SNTG1: variants seen among roughly 807,000 people sequenced by gnomAD.
The protein encoded by SNTG1 is syntrophin gamma 1, also known as gamma-1-syntrophin.
Under a neutral mutation model 74.7 loss-of-function variants are expected in SNTG1, and 39 were observed. The observed-to-expected ratio is 0.52, with a 90% CI of 0.40 to 0.68. The LOEUF is 0.68. Among genes scored for constraint, SNTG1 ranks in the 30% least tolerant of loss-of-function variants. The probability of loss-of-function intolerance (pLI) is 0.00; values close to 1 mark genes in which losing one functional copy is unlikely to be tolerated. For synonymous variants in SNTG1, 254 were observed against 217.1 expected, an observed-to-expected ratio of 1.17 and a Z score of -1.49; for missense variants, 685 against 609.5, an observed-to-expected ratio of 1.12 and a Z score of -1.30.
At chr8:50,462,050 C>G (rs1393899320) in intron 8 of SNTG1, among the ~76,000 whole-genome samples, 1 of 152,096 alleles carries the variant, frequency 6.6e-6, no homozygotes, top group African/African-American at 2.4e-5. Context: ...ACAGTGTACT[C>G]TGCTCCAATG....
intron 18 of SNTG1, among the ~76,000 whole-genome samples, chr8:50,780,559 T>A (rs1287707432): frequency 6.6e-6 from 1 of 152,234 alleles, no homozygotes; most frequent in Non-Finnish European, 1.5e-5. Context: ...ATCCCCTTTA[T>A]CATTTTTTAT....
Position 50,585,069 on chromosome 8 carries a change from A to G in SNTG1, c.811-5810A>G, listed in dbSNP as rs199802071. On this transcript the variant is annotated intron_variant, in intron 12 of 18. Coordinates refer to ENST00000642720, the MANE Select transcript of SNTG1 (RefSeq NM_018967.5). ...CATAGATAGAACTTACTTGTCTGCT[A>G]CCTGAAACAAGAACACAAGAAAACA... is the stretch of plus-strand genomic sequence containing the variant. Among the ~76,000 whole-genome samples the G allele has an allele frequency of 2.0e-5, 3 of 152,180 alleles. No individual in the cohort carries two copies. The East Asian group carries it at 5.8e-4, about 29-fold the overall frequency.
intron 13 of SNTG1, among the ~76,000 whole-genome samples, chr8:50,656,003 C>T (rs573691408): frequency 1.6e-4 from 24 of 152,040 alleles, no homozygotes; most frequent in African/African-American, 3.6e-4. Flanking sequence ...ACTCTACTTG[C>T]GACACATTCA....
At position 50,503,464 on chromosome 8, in the gene SNTG1, C is replaced by T. The variant is rs568337450; in HGVS notation, c.466+584C>T. Among the ~76,000 whole-genome samples, 18 of 152,134 alleles carry T rather than the reference C, an allele frequency of 1.2e-4. No individual in the cohort carries two copies. The South Asian group carries it at 1.2e-3, about 11-fold the overall frequency. On this transcript the variant is annotated intron_variant, in intron 9 of 18. Coordinates refer to ENST00000642720, the MANE Select transcript of SNTG1 (RefSeq NM_018967.5). Reference sequence around the variant, plus strand: ...ATAAAATACAAAGATCTTGCACAGTCGGATCAGTTCTGAAAAGGCACACAT... The same window carrying T: ...ATAAAATACAAAGATCTTGCACAGTTGGATCAGTTCTGAAAAGGCACACAT...
intron 15 of SNTG1, among the ~76,000 whole-genome samples, chr8:50,663,838 T>A (rs2095237495): frequency 6.6e-6 from 1 of 152,146 alleles, no homozygotes; most frequent in Non-Finnish European, 1.5e-5. Context: ...GCAAACTCTC[T>A]CAGCATTGCA....
chr8:50,145,890 A>C (rs1019009822), intron 1 of SNTG1, among the ~76,000 whole-genome samples: 57 of 151,754 alleles, frequency 3.8e-4, no homozygotes, highest in Non-Finnish European at 7.9e-4. Flanking sequence ...ATAATATAGC[A>C]TATTCAAATT....
At chr8:50,106,331 G>C (rs1313749677) in intron 1 of SNTG1, among the ~76,000 whole-genome samples, 3 of 151,992 alleles carry the variant, frequency 2.0e-5, no homozygotes, top group Non-Finnish European at 4.4e-5. Context: ...TAACATGGGG[G>C]GAATCCACCT....
chr8:50,631,919 A>G (rs993068195), intron 13 of SNTG1, among the ~76,000 whole-genome samples: 4 of 152,234 alleles, frequency 2.6e-5, no homozygotes, highest in African/African-American at 9.6e-5. Context: ...CACTAAATCA[A>G]TGCTCACGTC....
chr8:49,950,984 G>A (rs183738763), intron 1 of SNTG1, among the ~76,000 whole-genome samples: 94 of 152,238 alleles, frequency 6.2e-4, no homozygotes, highest in East Asian at 3.9e-3. Flanking sequence ...TCTGCTGTCC[G>A]AACAATACCT....
At chr8:50,164,221 A>G (rs2082532802) in intron 1 of SNTG1, 2 of 151,108 alleles carry the variant, frequency 1.3e-5, no homozygotes, top group South Asian at 4.2e-4. Context: ...TTGGTCAAGG[A>G]GAATAGAACA....
At chr8:50,043,893 T>G (rs1399821037) in intron 1 of SNTG1, among the ~76,000 whole-genome samples, 2 of 152,152 alleles carry the variant, frequency 1.3e-5, no homozygotes, top group Non-Finnish European at 2.9e-5. Context: ...CATAGCAGCC[T>G]AGGGAGATGT....
rs956825576 is a variant in SNTG1, at chr8:50,591,401, C to A, written c.849+484C>A. On this transcript the variant is annotated intron_variant, in intron 13 of 18. Transcript: ENST00000642720. ...CTTTGATTTGAAACCACTGACAAATCTAAATATCTATGATAGCTATTTATA... is the reference window on the plus strand; with the variant it reads ...CTTTGATTTGAAACCACTGACAAATATAAATATCTATGATAGCTATTTATA... 7.2e-5 allele frequency among the ~76,000 whole-genome samples: 11 copies of A among 152,196 alleles called. No individual in the cohort carries two copies. The East Asian group carries it at 2.1e-3, about 29-fold the overall frequency.
intron 8 of SNTG1, among the ~76,000 whole-genome samples, chr8:50,457,585 A>T (rs1426482255): frequency 6.6e-6 from 1 of 152,194 alleles, no homozygotes; most frequent in Non-Finnish European, 1.5e-5. Flanking sequence ...AATCATACAG[A>T]TAAAAGAGGA....
chr8:50,576,950 T>G (rs896964648), intron 12 of SNTG1, among the ~76,000 whole-genome samples: 12 of 152,170 alleles, frequency 7.9e-5, no homozygotes, highest in Non-Finnish European at 1.6e-4. Context: ...TATTTCTTTT[T>G]TCTTGCTTAA....
At chr8:50,188,070 G>T (rs2083446028) in intron 2 of SNTG1, among the ~76,000 whole-genome samples, 1 of 152,144 alleles carries the variant, frequency 6.6e-6, no homozygotes, top group South Asian at 2.1e-4. Flanking sequence ...GACATCAACA[G>T]AACAGGCCAT....
At chr8:50,419,861 C>CTAAA (rs1168559145) in intron 4 of SNTG1, among the ~76,000 whole-genome samples, 1 of 151,122 alleles carries the variant, frequency 6.6e-6, no homozygotes, top group Non-Finnish European at 1.5e-5. Flanking sequence ...AATTATTGAA[C>CTAAA]TAAACAATAC....
rs755916567 is a variant in SNTG1 at position 50,203,442 on chromosome 8, G to A, written c.-28+30807G>A. Among the ~76,000 whole-genome samples, 45 of 152,088 alleles carry A rather than the reference G, an allele frequency of 3.0e-4. 1 individual carries two copies. Among genetic ancestry groups the A allele is most frequent in the Non-Finnish European group, 1.3e-4 (9 of 68,016 alleles). On this transcript the variant is annotated intron_variant, in intron 2 of 18. Transcript: ENST00000642720. The stretch of plus-strand genomic sequence containing the variant: ...CAGTTCTTTAATGGGCCCAAGAAAA[G>A]CCATTAACTTTCAGTGCATTCATAT...
chr8:50,173,373 C>T (rs897533943), intron 2 of SNTG1, among the ~76,000 whole-genome samples: 1 of 152,110 alleles, frequency 6.6e-6, no homozygotes, highest in African/African-American at 2.4e-5. Flanking sequence ...TTTTTGATAG[C>T]TTATGTCCTT....
At chr8:50,112,586 A>G (rs1371180164) in intron 1 of SNTG1, among the ~76,000 whole-genome samples, 2 of 132,620 alleles carry the variant, frequency 1.5e-5, no homozygotes, top group African/African-American at 5.7e-5. Context: ...GCAGTGGCAC[A>G]ATCTCAGCTC....
Sources: allele counts gnomAD v4.1 joint callset (sites outside exome capture counted in the v4.1 genomes callset), GRCh38; gene constraint gnomAD v4.1.1; transcripts MANE v1.5; gene names NCBI Gene and HGNC (gene_info 2026-07-23, HGNC 2026-07-21).